RFX3: variants seen among roughly 807,000 people sequenced by gnomAD.
RFX3 encodes the protein transcription factor RFX3.
In RFX3, 14 loss-of-function variants were observed where a neutral mutation model predicts 98.6. The ratio of observed to expected loss-of-function variants is 0.14; its 90% confidence interval spans 0.09 to 0.22. The LOEUF (loss-of-function observed/expected upper bound fraction) is 0.22. Among genes scored for constraint, RFX3 ranks in the 10% least tolerant of loss-of-function variants. The pLI is 1.00. For synonymous variants in RFX3, 383 were observed against 328.4 expected, an observed-to-expected ratio of 1.17 and a Z score of -1.80; for missense variants, 639 against 926.9, an observed-to-expected ratio of 0.69 and a Z score of 4.03.
intron 1 of RFX3, among the ~76,000 whole-genome samples, chr9:3,437,675 T>G (rs1845264520): frequency 6.6e-6 from 1 of 151,976 alleles, no homozygotes; most frequent in Admixed American, 6.6e-5. Flanking sequence ...CTTCCTAGGA[T>G]TTGAAGTTAA....
chr9:3,495,602 G>T (rs1277545911), intron 1 of RFX3, among the ~76,000 whole-genome samples: 1 of 152,050 alleles, frequency 6.6e-6, no homozygotes. Context: ...AGTGGTTTTA[G>T]TTGAAAGACT....
chr9:3,512,478 T>C (rs1159764456), intron 1 of RFX3, among the ~76,000 whole-genome samples: 3 of 151,996 alleles, frequency 2.0e-5, no homozygotes, highest in Non-Finnish European at 4.4e-5. Context: ...AGATATCAGA[T>C]AAACTAATCA....
At chr9:3,474,789 G>A (rs1184633188) in intron 1 of RFX3, among the ~76,000 whole-genome samples, 3 of 152,132 alleles carry the variant, frequency 2.0e-5, no homozygotes, top group Non-Finnish European at 4.4e-5. Context: ...CTAAATGTCT[G>A]TGAAACAGAA....
At chr9:3,297,722 A>G (rs1370671260) in intron 5 of RFX3, among the ~76,000 whole-genome samples, 1 of 151,994 alleles carries the variant, frequency 6.6e-6, no homozygotes, top group African/African-American at 2.4e-5. Context: ...AGCTAAATGT[A>G]TTTTGGTAGC....
At position 3,337,855 on chromosome 9, in the gene RFX3, G is replaced by C. The variant is rs145709490; in HGVS notation, c.216-7338C>G. Among the ~76,000 whole-genome samples, 7 of 152,282 alleles carry C rather than the reference G, an allele frequency of 4.6e-5. 1 individual carries two copies. In the East Asian group the frequency reaches 1.3e-3, roughly 29 times the overall value. On this transcript the variant is annotated intron_variant, in intron 3 of 16. Transcript: ENST00000617270. ...AAACCAAGAACCTCTGCCTTAAACA[G>C]TTTCAAATTATGGAGTTTTTACATG... is the stretch of plus-strand genomic sequence containing the variant.
At chr9:3,341,934 A>C (rs147860879) in intron 3 of RFX3, among the ~76,000 whole-genome samples, 13 of 152,214 alleles carry the variant, frequency 8.5e-5, no homozygotes, top group Non-Finnish European at 1.8e-4. Flanking sequence ...AATAATAAGA[A>C]GAAAGCATAA....
intron 4 of RFX3, among the ~76,000 whole-genome samples, chr9:3,319,302 A>G (rs535442734): frequency 1.3e-4 from 19 of 151,068 alleles, no homozygotes; most frequent in Non-Finnish European, 2.2e-4. Flanking sequence ...GTTTTAATCA[A>G]TGCTCCAGAG....
intron 3 of RFX3, among the ~76,000 whole-genome samples, chr9:3,343,873 A>T (rs917036455): frequency 3.9e-5 from 6 of 152,198 alleles, no homozygotes; most frequent in Non-Finnish European, 7.3e-5. Flanking sequence ...TGACCTCATG[A>T]CCTAGACCTC....
At position 3,424,424 on chromosome 9, in the gene RFX3, C is replaced by T. The variant is rs868284141; in HGVS notation, c.-8-28828G>A. ...TCGCCCAGGCTGGAGTGCAGTGGCG[C>T]GATCTCGACTCACTGCAAGCTCCGC... On this transcript the variant is annotated intron_variant, in intron 1 of 16. Coordinates refer to ENST00000617270, the MANE Select transcript of RFX3 (RefSeq NM_001282116.2). Among the ~76,000 whole-genome samples the T allele has an allele frequency of 4.0e-4, 52 of 131,286 alleles. 1 individual carries two copies. Among genetic ancestry groups the T allele is most frequent in the Admixed American group, 7.0e-4 (8 of 11,478 alleles). The allele number at this position is 131,286 out of a possible 152,430, so 86.1% of individuals were successfully genotyped here.
chr9:3,461,248 T>A (rs535549524), intron 1 of RFX3, among the ~76,000 whole-genome samples: 1 of 152,038 alleles, frequency 6.6e-6, no homozygotes, highest in East Asian at 1.9e-4. Context: ...GGGTTTCATG[T>A]TTGCCACCCA....
intron 7 of RFX3, among the ~76,000 whole-genome samples, chr9:3,287,201 G>T (rs1826731870): frequency 6.6e-6 from 1 of 151,880 alleles, no homozygotes; most frequent in East Asian, 1.9e-4. Context: ...TTATCTTAGA[G>T]TTAATGCTTC....
chr9:3,231,933 G>A (rs1157648212), intron 15 of RFX3, among the ~76,000 whole-genome samples: 6 of 151,798 alleles, frequency 4.0e-5, no homozygotes, highest in Admixed American at 1.3e-4. Context: ...GCATGGTGGC[G>A]GAGGCAGGAG....
At chr9:3,414,856 G>C (rs1371798469) in intron 1 of RFX3, among the ~76,000 whole-genome samples, 1 of 136,234 alleles carries the variant, frequency 7.3e-6, no homozygotes, top group Non-Finnish European at 1.5e-5. Flanking sequence ...AAGTATATAT[G>C]AGTATATATG....
chr9:3,269,203 T>G (rs2131313120), intron 11 of RFX3, among the ~76,000 whole-genome samples: 1 of 152,152 alleles, frequency 6.6e-6, no homozygotes, highest in South Asian at 2.1e-4. Flanking sequence ...TAAATTTACG[T>G]GTGTTCATTA....
At chr9:3,271,635 G>C (rs925479060) in intron 9 of RFX3, among the ~76,000 whole-genome samples, 5 of 151,264 alleles carry the variant, frequency 3.3e-5, no homozygotes, top group African/African-American at 9.7e-5. Context: ...CCTATTCTAA[G>C]ACCTGGAAGG....
At chr9:3,348,643 C>T (rs1274896005) in intron 2 of RFX3, among the ~76,000 whole-genome samples, 1 of 151,974 alleles carries the variant, frequency 6.6e-6, no homozygotes, top group Non-Finnish European at 1.5e-5. Flanking sequence ...TTTTATATTA[C>T]AGTACTGAAA....
chr9:3,395,420 A>T, intron 2 of RFX3, 52 bp downstream of exon 2: 5 of 1,593,178 alleles, frequency 3.1e-6, no homozygotes, highest in Non-Finnish European at 4.3e-6. Context: ...TATGTTGGAC[A>T]GCCAACATAA....
chr9:3,260,928 A>C (rs1327208556), intron 13 of RFX3, among the ~76,000 whole-genome samples: 1 of 150,746 alleles, frequency 6.6e-6, no homozygotes, highest in Non-Finnish European at 1.5e-5. Flanking sequence ...ATATATATAT[A>C]TCTCAGAAGT....
At chr9:3,401,939 T>C (rs1449728421) in intron 1 of RFX3, among the ~76,000 whole-genome samples, 2 of 152,190 alleles carry the variant, frequency 1.3e-5, no homozygotes, top group African/African-American at 4.8e-5. Flanking sequence ...TTCTTCAACC[T>C]GATGGGTAAA....
Sources: allele counts gnomAD v4.1 joint callset (sites outside exome capture counted in the v4.1 genomes callset), GRCh38; gene constraint gnomAD v4.1.1; transcripts MANE v1.5; gene names NCBI Gene and HGNC (gene_info 2026-07-23, HGNC 2026-07-21).